TTC39B: variants seen among roughly 807,000 people sequenced by gnomAD.
The protein encoded by TTC39B is tetratricopeptide repeat protein 39B.
TTC39B carries 92 observed loss-of-function variants against 96.6 expected under a neutral mutation model. The observed-to-expected ratio is 0.95, with a 90% CI of 0.80 to 1.13. The LOEUF (loss-of-function observed/expected upper bound fraction) is 1.13. Ranked by LOEUF, TTC39B falls within the 50% of genes most tolerant of loss-of-function variation. The pLI is 0.00. For synonymous variants in TTC39B, 367 were observed against 299.4 expected (o/e 1.23, Z -2.33); for missense variants, 955 against 809.3 (o/e 1.18, Z -2.18).
intron 1 of TTC39B, among the ~76,000 whole-genome samples, chr9:15,290,603 C>A (rs1824148573): frequency 6.6e-6 from 1 of 152,236 alleles, no homozygotes; most frequent in Admixed American, 6.5e-5. Flanking sequence ...TTCCTCTACT[C>A]TATGTTTACT....
rs185802135 is a variant in TTC39B at position 15,225,350 on chromosome 9, G to C, written c.371+567C>G. Among the ~76,000 whole-genome samples the C allele has an allele frequency of 4.6e-5, 7 of 152,110 alleles. No individual in the cohort carries two copies. In the East Asian group the frequency reaches 1.2e-3, roughly 25 times the overall value. ...TAGTAATACATATTTCATTCTCTTTGTGCTTTCTATAGCTCTGAATTTTCT... is the reference window on the plus strand; with the variant it reads ...TAGTAATACATATTTCATTCTCTTTCTGCTTTCTATAGCTCTGAATTTTCT... On this transcript the variant is annotated intron_variant, in intron 3 of 19. Transcript: ENST00000512701.
exon 20 of TTC39B, chr9:15,167,372 C>T (rs557515582): frequency 1.3e-5 from 2 of 151,194 alleles, no homozygotes; most frequent in African/African-American, 4.8e-5. Context: ...AATAGTAATA[C>T]TGGCCTAGTT....
rs532092314 is a variant in TTC39B, at chr9:15,275,711, A to G, written c.241-7763T>C. Among the ~76,000 whole-genome samples the G allele has an allele frequency of 2.0e-5, 3 of 152,296 alleles. No individual in the cohort carries two copies. In the East Asian group the frequency reaches 5.8e-4, roughly 30 times the overall value. The stretch of plus-strand genomic sequence containing the variant: ...GGAATTAGGCAGGTGGAAATGTATA[A>G]GGTAAGGCCCCAAGGTAGAAAAGAG... On this transcript the variant is annotated intron_variant, in intron 1 of 19. Coordinates refer to ENST00000512701, the Ensembl canonical transcript of TTC39B.
intron 3 of TTC39B, among the ~76,000 whole-genome samples, chr9:15,216,350 T>C (rs1260879064): frequency 6.6e-6 from 1 of 152,170 alleles, no homozygotes; most frequent in Non-Finnish European, 1.5e-5. Context: ...ACAACTGCTC[T>C]GAGTAGAAAC....
chr9:15,164,887 C>G (rs1293830787), exon 20 of TTC39B: 2 of 152,150 alleles, frequency 1.3e-5, no homozygotes, highest in African/African-American at 4.8e-5. Context: ...TTAAAGAGAA[C>G]CCAACAGTGC....
chr9:15,272,520 T>A (rs1823394001), intron 1 of TTC39B, among the ~76,000 whole-genome samples: 1 of 152,210 alleles, frequency 6.6e-6, no homozygotes. Flanking sequence ...TAAAGGCAGC[T>A]GCATTTGCCT....
chr9:15,204,861 G>A (rs1819754833), intron 6 of TTC39B, among the ~76,000 whole-genome samples: 1 of 152,102 alleles, frequency 6.6e-6, no homozygotes, highest in South Asian at 2.1e-4. Flanking sequence ...GCATCCCAGG[G>A]ACCTGCGGAG....
At chr9:15,167,393 G>T (rs546447168) in exon 20 of TTC39B, 12 of 151,750 alleles carry the variant, frequency 7.9e-5, no homozygotes, top group African/African-American at 2.7e-4. Context: ...GAGAAAGTCA[G>T]TGTTGAAACA....
chr9:15,300,869 G>GCAAC lies in TTC39B; in HGVS notation c.240+6214_240+6215insGTTG, dbSNP rs1824558605. On this transcript the variant is annotated intron_variant, in intron 1 of 19. Transcript: ENST00000512701. ...ATCCCACTACTTCACTCCAGCCTGGGTGAAAGAGTAAAACTCCGTCTCAAA... is the reference window on the plus strand; with the variant it reads ...ATCCCACTACTTCACTCCAGCCTGGGCAACTGAAAGAGTAAAACTCCGTCTCAAA... Among the ~76,000 whole-genome samples the GCAAC allele has an allele frequency of 3.5e-5, 4 of 115,610 alleles. No individual in the cohort carries two copies. The South Asian group carries it at 9.1e-4, about 26-fold the overall frequency. 75.8% of individuals were successfully genotyped at this position (115,610 alleles called of 152,430 possible). A position where few individuals can be genotyped will look rare whatever the true frequency, so the allele number is the denominator to read the frequency against.
At chr9:15,164,677 T>G (rs577883647) in exon 20 of TTC39B, 2 of 152,350 alleles carry the variant, frequency 1.3e-5, no homozygotes, top group Admixed American at 1.3e-4. Flanking sequence ...ATCAATATTT[T>G]TAAACACCAA....
intron 1 of TTC39B, among the ~76,000 whole-genome samples, chr9:15,280,489 G>C (rs1039817597): frequency 6.6e-6 from 1 of 152,182 alleles, no homozygotes; most frequent in Non-Finnish European, 1.5e-5. Context: ...AAATTATTTA[G>C]CCCAAAAAAC....
rs1158748090 is a variant in TTC39B, at chr9:15,214,029, G to C, written c.482+110C>G. The C allele has an allele frequency of 3.4e-5, 26 of 756,030 alleles. No individual in the cohort carries two copies. In the South Asian group the frequency reaches 4.8e-4, roughly 14 times the overall value. The allele number at this position is 756,030 out of a possible 1,614,324, so 46.8% of individuals were successfully genotyped here. ...AAGTAAAGAGGTCTGAACTAAATTA[G>C]CTTATCAATATTCAGATGGGAACAG... On this transcript the variant is annotated intron_variant, in intron 4 of 19. Transcript: ENST00000512701.
chr9:15,257,751 A>G (rs540263509), intron 2 of TTC39B, among the ~76,000 whole-genome samples: 1 of 147,976 alleles, frequency 6.8e-6, no homozygotes, highest in East Asian at 2.2e-4. Flanking sequence ...CCTGACGCAA[A>G]TTATCTTATT....
chr9:15,208,939 T>C (rs962314003), intron 6 of TTC39B, among the ~76,000 whole-genome samples: 3 of 152,182 alleles, frequency 2.0e-5, no homozygotes, highest in African/African-American at 7.2e-5. Context: ...ATGTCTGACA[T>C]ACACTTGACC....
intron 2 of TTC39B, chr9:15,249,315 G>T (rs1318738711): frequency 6.6e-6 from 1 of 152,108 alleles, no homozygotes; most frequent in African/African-American, 2.4e-5. Context: ...GCCATACAAA[G>T]GTCACTTTTT....
In TTC39B at chr9:15,249,939, T is replaced by C. The variant is rs1011765606; in HGVS notation, c.275+17975A>G. ...TCACAGATTTAGAGCAGCTGTAACT[T>C]TGGAGGAATGAATATAGTCCCACTA... On this transcript the variant is annotated intron_variant, in intron 2 of 19. Coordinates refer to ENST00000512701, the Ensembl canonical transcript of TTC39B. 3.1e-6 allele frequency: 4 copies of C among 1,282,428 alleles called. No homozygotes were observed. In the African/African-American group the frequency reaches 6.1e-5, roughly 20 times the overall value. 79.4% of individuals were successfully genotyped at this position (1,282,428 alleles called of 1,614,324 possible).
At chr9:15,280,114 T>A (rs1407468605) in intron 1 of TTC39B, among the ~76,000 whole-genome samples, 6 of 152,132 alleles carry the variant, frequency 3.9e-5, no homozygotes, top group African/African-American at 1.4e-4. Flanking sequence ...GCCTGGCTGA[T>A]CTTGAACTCC....
intron 2 of TTC39B, among the ~76,000 whole-genome samples, chr9:15,234,666 T>C (rs2131445588): frequency 6.6e-6 from 1 of 152,038 alleles, no homozygotes; most frequent in African/African-American, 2.4e-5. Context: ...TGGGAGACTT[T>C]TCATTTTGTT....
At chr9:15,295,160 T>C (rs1563795811) in intron 1 of TTC39B, among the ~76,000 whole-genome samples, 2 of 152,210 alleles carry the variant, frequency 1.3e-5, no homozygotes, top group South Asian at 4.1e-4. Flanking sequence ...GTCAGAAGTT[T>C]GCTGACCACC....
Sources: gnomAD v4.1 joint callset for allele counts (sites outside exome capture counted in the v4.1 genomes callset) on GRCh38, gnomAD v4.1.1 for gene constraint, MANE v1.5 for transcripts, NCBI Gene and HGNC (gene_info 2026-07-23, HGNC 2026-07-21) for gene names.